Variants in ANO4 observed in about 807,000 individuals in gnomAD.
The protein encoded by ANO4 is anoctamin 4.
In ANO4, 69 loss-of-function variants were observed where a neutral mutation model predicts 141.9. The ratio of observed to expected loss-of-function variants is 0.49; its 90% CI spans 0.40 to 0.59. The LOEUF is 0.59. Among genes scored for constraint, ANO4 ranks in the 20% least tolerant of loss-of-function variants. The probability of loss-of-function intolerance (pLI) is 0.00; values close to 1 mark genes in which losing one functional copy is unlikely to be tolerated. For synonymous variants in ANO4, 350 were observed against 394.3 expected (o/e 0.89, Z 1.33); for missense variants, 894 against 1,162.2 (o/e 0.77, Z 3.36).
intron 1 of ANO4, among the ~76,000 whole-genome samples, chr12:100,900,266 A>G (rs1366831626): frequency 2.9e-5 from 3 of 104,174 alleles, no homozygotes; most frequent in Non-Finnish European, 5.9e-5. Context: ...TCCCTCTCCC[A>G]CCCTCCCTCC....
intron 9 of ANO4, among the ~76,000 whole-genome samples, chr12:101,030,907 G>A (rs2046948353): frequency 1.3e-5 from 2 of 152,134 alleles, no homozygotes; most frequent in African/African-American, 4.8e-5. Flanking sequence ...TCCCTGAATA[G>A]ACCAGTAACA....
chr12:100,990,850 C>T (rs1233406496), intron 8 of ANO4, among the ~76,000 whole-genome samples: 1 of 152,074 alleles, frequency 6.6e-6, no homozygotes, highest in Non-Finnish European at 1.5e-5. Context: ...GAGACAGTAA[C>T]GTGTGTATAA....
intron 1 of ANO4, among the ~76,000 whole-genome samples, chr12:100,878,277 A>G (rs2039410683): frequency 6.6e-6 from 1 of 152,222 alleles, no homozygotes; most frequent in Admixed American, 6.5e-5. Context: ...GAAGATATTG[A>G]TGAAACTGAA....
chr12:101,001,939 T>C (rs1169243441), intron 8 of ANO4, among the ~76,000 whole-genome samples: 2 of 152,148 alleles, frequency 1.3e-5, no homozygotes, highest in Non-Finnish European at 2.9e-5. Flanking sequence ...TCCTCACCCC[T>C]GATACAACAC....
chr12:100,899,553 A>G (rs991820516), intron 1 of ANO4, among the ~76,000 whole-genome samples: 7 of 152,328 alleles, frequency 4.6e-5, no homozygotes, highest in African/African-American at 1.4e-4. Flanking sequence ...TATTTGTTAC[A>G]GTTTGTTTTA....
intron 3 of ANO4, among the ~76,000 whole-genome samples, chr12:100,928,022 A>G (rs1386707358): frequency 6.6e-6 from 1 of 152,044 alleles, no homozygotes; most frequent in African/African-American, 2.4e-5. Context: ...GGTGGTGTAT[A>G]CTTTTGTGGC....
intron 15 of ANO4, among the ~76,000 whole-genome samples, chr12:101,082,983 A>T (rs1415476854): frequency 6.6e-6 from 1 of 152,178 alleles, no homozygotes; most frequent in Admixed American, 6.5e-5. Flanking sequence ...AGCTTTTCAC[A>T]TTCAGGAGGC....
intron 1 of ANO4, among the ~76,000 whole-genome samples, chr12:100,824,437 C>CA (rs949749063): frequency 9.3e-5 from 14 of 150,958 alleles, no homozygotes; most frequent in Non-Finnish European, 1.8e-4. Context: ...AACAAACAAA[C>CA]AAAAAAAAAC....
rs575246398 is a variant in ANO4 at position 100,898,631 on chromosome 12, T to A, written c.-140-3015T>A. Among the ~76,000 whole-genome samples, 21 of 152,322 alleles carry A rather than the reference T, an allele frequency of 1.4e-4. 1 individual carries two copies. The highest frequency in any genetic ancestry group is 1.0e-3 in the South Asian group (5 of 4,828). On this transcript the variant is annotated intron_variant, in intron 1 of 27. Transcript: ENST00000392977. ...AAACACAATTTCAAGTTATATATTT[T>A]AAAAAAATGCCATTTATTTCCATGA...
chr12:100,872,713 T>C (rs2039093134), intron 1 of ANO4, among the ~76,000 whole-genome samples: 1 of 152,240 alleles, frequency 6.6e-6, no homozygotes, highest in South Asian at 2.1e-4. Context: ...ATGGGACATG[T>C]TGGCCATCTG....
At chr12:100,981,437 GGGAAGGAAGGAA>G (rs149796199) in intron 7 of ANO4, among the ~76,000 whole-genome samples, 3 of 150,354 alleles carry the variant, frequency 2.0e-5, no homozygotes, top group South Asian at 2.1e-4. Flanking sequence ...AAGAAAAGGA[GGGAAGGAAGGAA>G]GGAAGGAAGG....
In ANO4 at chr12:101,053,274, G is replaced by C. The variant is rs117828579; in HGVS notation, c.1312+4873G>C. Among the ~76,000 whole-genome samples, 1,446 of 152,304 alleles carry C rather than the reference G, an allele frequency of 9.5e-3. 6 individuals carry two copies. Among genetic ancestry groups the C allele is most frequent in the Non-Finnish European group, 0.017 (1,127 of 68,028 alleles). On this transcript the variant is annotated intron_variant, in intron 14 of 27. Coordinates refer to ENST00000392977, the MANE Select transcript of ANO4 (RefSeq NM_001286615.2). Reference sequence around the variant, plus strand: ...CCAGGCAGAGTAGTGGGGTTGGAAGGAGACATAGATAACATTCTTAGGTGA... The same window carrying C: ...CCAGGCAGAGTAGTGGGGTTGGAAGCAGACATAGATAACATTCTTAGGTGA...
At chr12:100,997,266 G>A (rs1395873649) in intron 8 of ANO4, among the ~76,000 whole-genome samples, 2 of 149,292 alleles carry the variant, frequency 1.3e-5, no homozygotes, top group African/African-American at 2.5e-5. Context: ...CCCTGGAGGC[G>A]GAGGTTGCAG....
At chr12:100,770,977 G>A (rs528787938) in intron 3 of ANO4, among the ~76,000 whole-genome samples, 1 of 152,014 alleles carries the variant, frequency 6.6e-6, no homozygotes, top group Non-Finnish European at 1.5e-5. Context: ...TTGAGAATCC[G>A]AATTTAACCT....
chr12:101,068,775 T>C (rs1307364722), intron 14 of ANO4: 22 of 1,262,884 alleles, frequency 1.7e-5, no homozygotes, highest in Non-Finnish European at 2.5e-5. Context: ...CCTGCTTACA[T>C]AGCCTGGCTT....
chr12:101,080,634 C>T (rs1382512102), intron 15 of ANO4, among the ~76,000 whole-genome samples: 1 of 151,742 alleles, frequency 6.6e-6, no homozygotes, highest in African/African-American at 2.4e-5. Flanking sequence ...CGAGACCAGC[C>T]TGGCCAATAT....
At chr12:100,811,311 A>T (rs1356762879) in intron 1 of ANO4, among the ~76,000 whole-genome samples, 1 of 152,188 alleles carries the variant, frequency 6.6e-6, no homozygotes, top group Non-Finnish European at 1.5e-5. Context: ...CCATTAGCAA[A>T]GGGTTATAAG....
intron 1 of ANO4, among the ~76,000 whole-genome samples, chr12:100,861,889 A>G (rs1300052245): frequency 1.3e-5 from 2 of 152,094 alleles, no homozygotes; most frequent in Admixed American, 6.5e-5. Context: ...AAACTCACAC[A>G]TTAGCGTAGG....
intron 8 of ANO4, among the ~76,000 whole-genome samples, chr12:101,018,343 G>A (rs569396317): frequency 3.9e-5 from 6 of 152,224 alleles, no homozygotes; most frequent in Middle Eastern, 3.4e-3. Flanking sequence ...CCCACACAGC[G>A]TTTATCGCTC....
Sources: allele counts gnomAD v4.1 joint callset (sites outside exome capture counted in the v4.1 genomes callset), GRCh38; gene constraint gnomAD v4.1.1; transcripts MANE v1.5; gene names NCBI Gene and HGNC (gene_info 2026-07-23, HGNC 2026-07-21).